The following POTEC variants were observed in gnomAD, a reference collection of about 807,000 sequenced individuals.
The protein encoded by POTEC is POTE ankyrin domain family member C, also known as ANKRD26-like family B member 2.
A neutral mutation model predicts 62.0 loss-of-function variants in POTEC; 35 were observed. The ratio of observed to expected loss-of-function variants is 0.56; its 90% CI spans 0.43 to 0.75. POTEC has a LOEUF of 0.75. POTEC is among the 30% of genes least tolerant of loss of function. The pLI, the probability that POTEC is intolerant of heterozygous loss-of-function variation, is 0.00. For missense variants in POTEC, 472 were observed against 655.9 expected (o/e 0.72, Z 3.06); for synonymous variants, 156 against 221.5 (o/e 0.70, Z 2.62).
At chr18:14,523,371 T>C (rs534133825) in intron 8 of POTEC, 92 bp downstream of exon 8, 620 of 1,274,166 alleles carry the variant, frequency 4.9e-4, no homozygotes, top group Non-Finnish European at 6.2e-4. Context: ...ACTTACATGA[T>C]AGGATCATGT....
chr18:14,508,828 GCA>G lies in POTEC; in HGVS notation c.*3068_*3069del, dbSNP rs1306106205. On this transcript the variant is annotated 3_prime_UTR_variant, in exon 11 of 11. Coordinates refer to ENST00000358970, the MANE Select transcript of POTEC (RefSeq NM_001137671.2). ...GAATTTTTGAGTTTTCAGTGTTCTT[GCA>G]CAGAGTCTTTTTCTCATCTTTATGG... is the stretch of plus-strand genomic sequence containing the variant. 6.6e-6 allele frequency: 1 copy of G among 152,400 alleles called. No individual in the cohort carries two copies. Among genetic ancestry groups the G allele is most frequent in the Non-Finnish European group, 1.5e-5 (1 of 68,072 alleles). 9.4% of individuals were successfully genotyped at this position (152,400 alleles called of 1,614,324 possible).
In POTEC at chr18:14,510,455, G is replaced by A. The variant is rs1452781320; in HGVS notation, c.*1443C>T. On this transcript the variant is annotated 3_prime_UTR_variant, in exon 11 of 11. Transcript: ENST00000358970. ...CCCAGGCCAGGAAGACCTGCCCATC[G>A]AGGAGATATGGAAATGGGCACCCAC... 2.6e-5 allele frequency: 4 copies of A among 151,722 alleles called. No individual in the cohort carries two copies. The highest frequency in any genetic ancestry group is 7.3e-5 in the African/African-American group (3 of 41,262). 9.4% of individuals were successfully genotyped at this position (151,722 alleles called of 1,614,324 possible). A position where few individuals can be genotyped will look rare whatever the true frequency, so the allele number is the denominator to read the frequency against.
intron 6 of POTEC, among the ~76,000 whole-genome samples, chr18:14,527,461 G>T (rs1402394340): frequency 6.6e-6 from 1 of 151,998 alleles, no homozygotes; most frequent in African/African-American, 2.4e-5. Context: ...TATGCTCCTT[G>T]CTCTCTTTCT....
At chr18:14,538,947 TTATAA>T (rs1307465446) in intron 1 of POTEC, among the ~76,000 whole-genome samples, 1 of 152,188 alleles carries the variant, frequency 6.6e-6, no homozygotes, top group Non-Finnish European at 1.5e-5. Flanking sequence ...GTAGAATATG[TTATAA>T]TATAACAGGT....
chr18:14,540,268 G>C (rs79944496), intron 1 of POTEC, among the ~76,000 whole-genome samples: 1 of 152,114 alleles, frequency 6.6e-6, no homozygotes, highest in Non-Finnish European at 1.5e-5. Context: ...AATAGAATGT[G>C]AGAAATTATT....
intron 3 of POTEC, among the ~76,000 whole-genome samples, chr18:14,537,218 A>AAC (rs1567915563): frequency 9.3e-6 from 1 of 107,352 alleles, no homozygotes; most frequent in Admixed American, 9.0e-5. Flanking sequence ...CACAAAAAAA[A>AAC]AAAAAAACAA....
At chr18:14,537,555 C>G (rs1257851145) in intron 3 of POTEC, among the ~76,000 whole-genome samples, 3 of 151,832 alleles carry the variant, frequency 2.0e-5, no homozygotes, top group Non-Finnish European at 2.9e-5. Flanking sequence ...AAAGTATTAC[C>G]TTTTACAAAT....
intron 1 of POTEC, among the ~76,000 whole-genome samples, chr18:14,538,787 T>G (rs1905836453): frequency 6.6e-6 from 1 of 152,208 alleles, no homozygotes; most frequent in Admixed American, 6.5e-5. Context: ...TGTATTTTAT[T>G]GAGTCTAAGA....
At chr18:14,529,492 T>C (rs1348667449) in intron 6 of POTEC, among the ~76,000 whole-genome samples, 1 of 152,176 alleles carries the variant, frequency 6.6e-6, no homozygotes, top group African/African-American at 2.4e-5. Flanking sequence ...CAGAAGCTTT[T>C]TGATAAATAG....
Position 14,543,136 on chromosome 18 carries a change from T to G in POTEC, c.11A>C (p.Glu4Ala). The change falls in exon 1 of 11, where the codon GAG (glutamate) becomes GCG (alanine). Residue 4 changes from glutamate to alanine, a missense_variant. Glu to Ala is a moderately radical substitution (Grantham distance 107, BLOSUM62 -1). Transcript: ENST00000358970. ...AGAGGCAGCGGGCATTGAACAAACC[T>G]CAGTCACCATCTGCTTTTAACAGCC... Reference protein sequence around the residue: MVTEVCSMPAASAV... With the variant: MVTAVCSMPAASAV... 6.2e-7 allele frequency: 1 copy of G among 1,613,846 alleles called. No homozygotes were observed. The highest frequency in any genetic ancestry group is 2.2e-5 in the East Asian group (1 of 44,846).
At position 14,507,925 on chromosome 18, in the gene POTEC, T is replaced by A. The variant is rs571096213; in HGVS notation, c.*3973A>T. 1 of 152,334 alleles carries A rather than the reference T, an allele frequency of 6.6e-6. No homozygotes were observed. Among genetic ancestry groups the A allele is most frequent in the African/African-American group, 2.4e-5 (1 of 41,580 alleles). The allele number at this position is 152,334 out of a possible 1,614,324, so 9.4% of individuals were successfully genotyped here. A position where few individuals can be genotyped will look rare whatever the true frequency, so the allele number is the denominator to read the frequency against. On this transcript the variant is annotated 3_prime_UTR_variant, in exon 11 of 11. Transcript: ENST00000358970. ...CTTTTCTGGCTTGTACAGTTTCAGTTGAGAGGTCTGCTAAGTCTGATGGAA... is the reference window on the plus strand; with the variant it reads ...CTTTTCTGGCTTGTACAGTTTCAGTAGAGAGGTCTGCTAAGTCTGATGGAA...
rs564503459 is a variant in POTEC, at chr18:14,533,875, C to CT, written c.918-678dup. Among the ~76,000 whole-genome samples, 832 of 141,266 alleles carry CT rather than the reference C, an allele frequency of 5.9e-3. 16 individuals carry two copies. Among genetic ancestry groups the CT allele is most frequent in the Admixed American group, 0.039 (559 of 14,190 alleles). 92.7% of individuals were successfully genotyped at this position (141,266 alleles called of 152,430 possible). On this transcript the variant is annotated intron_variant, in intron 4 of 10. Transcript: ENST00000358970. Reference sequence around the variant, plus strand: ...TCCAAAGCCTAGCTCTTTTCTCTCTCTTTTTTTTTTTTCCATGCCCAGCTA... The same window carrying CT: ...TCCAAAGCCTAGCTCTTTTCTCTCTCTTTTTTTTTTTTTCCATGCCCAGCTA...
In POTEC at chr18:14,518,893, G is replaced by A. The variant is rs1910238296; in HGVS notation, c.1409+3361C>T. On this transcript the variant is annotated intron_variant, in intron 9 of 10. Transcript: ENST00000358970. ...TAGGAGGAACTTTGACATGTACTCCGAGTGAAATGGGAGATAATCAGAAGG... is the reference window on the plus strand; with the variant it reads ...TAGGAGGAACTTTGACATGTACTCCAAGTGAAATGGGAGATAATCAGAAGG... 3.3e-5 allele frequency among the ~76,000 whole-genome samples: 5 copies of A among 151,810 alleles called. 1 individual carries two copies. The highest frequency in any genetic ancestry group is 4.8e-5 in the African/African-American group (2 of 41,284).
chr18:14,524,026 C>A (rs1910375277), intron 7 of POTEC, among the ~76,000 whole-genome samples: 1 of 151,984 alleles, frequency 6.6e-6, no homozygotes, highest in South Asian at 2.1e-4. Flanking sequence ...GAAATCAACA[C>A]CAAACAGAAA....
At chr18:14,539,946 C>T (rs1024476235) in intron 1 of POTEC, among the ~76,000 whole-genome samples, 5 of 152,026 alleles carry the variant, frequency 3.3e-5, no homozygotes, top group East Asian at 2.0e-4. Context: ...GATGACTAAA[C>T]GGATTGAAAG....
chr18:14,528,322 G>A (rs1910492492), intron 6 of POTEC, among the ~76,000 whole-genome samples: 1 of 152,076 alleles, frequency 6.6e-6, no homozygotes, highest in Non-Finnish European at 1.5e-5. Flanking sequence ...CTTTCTTGCA[G>A]AAGAAACACA....
intron 10 of POTEC, among the ~76,000 whole-genome samples, chr18:14,512,914 T>C (rs989438943): frequency 1.4e-4 from 21 of 152,134 alleles, no homozygotes; most frequent in African/African-American, 4.6e-4. Flanking sequence ...AAGCCTTTTA[T>C]TTCAAAATAC....
Position 14,513,780 on chromosome 18 carries a change from T to C in POTEC, c.1415A>G (p.Glu472Gly), listed in dbSNP as rs767031276. The change falls in exon 10 of 11, where the codon GAA becomes GGA. Residue 472 changes from glutamate to glycine, a missense_variant. Transcript: ENST00000358970. Reference protein sequence around the residue: ...DTENEEYHSDEQNDTRKQLSE... With the variant: ...DTENEEYHSDGQNDTRKQLSE... ...AAGTTGTTTCCGGGTATCATTTTGT[T>C]CGTCACTAGAAGAAATTTTAATTTT... 113 of 1,608,574 alleles carry C rather than the reference T, an allele frequency of 7.0e-5. No homozygotes were observed. Among genetic ancestry groups the C allele is most frequent in the Non-Finnish European group, 1.2e-5 (14 of 1,178,976 alleles).
chr18:14,525,070 C>CATTTT, intron 6 of POTEC, 87 bp from the exon 7 acceptor site: 1 of 1,535,826 alleles, frequency 6.5e-7, no homozygotes, highest in Non-Finnish European at 8.8e-7. Context: ...TTGAAGACAG[C>CATTTT]ATTTTATTTT....
Sources: gnomAD v4.1 joint callset for allele counts (sites outside exome capture counted in the v4.1 genomes callset) on GRCh38, gnomAD v4.1.1 for gene constraint, MANE v1.5 for transcripts, NCBI Gene and HGNC (gene_info 2026-07-23, HGNC 2026-07-21) for gene names.